The following ATP7A variants were observed in gnomAD, a reference collection of about 807,000 sequenced individuals.
The protein encoded by ATP7A is ATPase copper transporting alpha.
Under a neutral mutation model 83.5 loss-of-function variants are expected in ATP7A, and 7 were observed. The ratio of observed to expected loss-of-function variants is 0.08; its 90% CI spans 0.05 to 0.16. The LOEUF (loss-of-function observed/expected upper bound fraction) is 0.16. ATP7A is among the 10% of genes least tolerant of loss of function. ATP7A has a pLI of 1.00. For synonymous variants in ATP7A, 354 were observed against 395.2 expected (o/e 0.90, Z 1.24); for missense variants, 940 against 1,120.8 (o/e 0.84, Z 2.30).
intron 1 of ATP7A, among the ~76,000 whole-genome samples, chrX:77,943,595 A>G (rs193129289): frequency 8.9e-6 from 1 of 112,478 alleles, no homozygotes; most frequent in African/African-American, 3.2e-5. Context: ...AATAAAAATA[A>G]GAAATTAAAA....
At chrX:77,971,137 A>G (rs2077544232) in intron 1 of ATP7A, among the ~76,000 whole-genome samples, 1 of 112,046 alleles carries the variant, frequency 8.9e-6, no homozygotes, top group Non-Finnish European at 1.9e-5. Flanking sequence ...AACAGCCAGG[A>G]GGCCAGTATG....
At chrX:77,948,112 C>T (rs1316959858) in intron 1 of ATP7A, among the ~76,000 whole-genome samples, 1 of 106,940 alleles carries the variant, frequency 9.4e-6, no homozygotes. Context: ...TTCATTCATT[C>T]ATTCATTCAT....
intron 17 of ATP7A, among the ~76,000 whole-genome samples, chrX:78,036,735 G>A (rs1289339680): frequency 1.8e-5 from 2 of 110,982 alleles, no homozygotes; most frequent in Admixed American, 9.6e-5. Flanking sequence ...ACAGAAATTA[G>A]TCGGGCGTGG....
At chrX:78,007,401 C>T (rs1259805246) in intron 6 of ATP7A, among the ~76,000 whole-genome samples, 6 of 111,391 alleles carry the variant, frequency 5.4e-5, no homozygotes, top group Admixed American at 1.9e-4. Context: ...TCTTGGCTCA[C>T]TGCAAGCCCC....
chrX:77,926,138 T>C (rs1423449077), intron 1 of ATP7A, among the ~76,000 whole-genome samples: 2 of 111,137 alleles, frequency 1.8e-5, no homozygotes, highest in Non-Finnish European at 3.8e-5. Context: ...TTGAGTATCA[T>C]TAAAGAATGA....
At chrX:77,918,909 C>G (rs2077197479) in intron 1 of ATP7A, among the ~76,000 whole-genome samples, 2 of 111,453 alleles carry the variant, frequency 1.8e-5, no homozygotes, top group South Asian at 7.4e-4. Flanking sequence ...TATCATTTGA[C>G]TCTCTTTGCC....
At chrX:77,969,861 C>A (rs1420341479) in intron 1 of ATP7A, among the ~76,000 whole-genome samples, 1 of 111,782 alleles carries the variant, frequency 8.9e-6, no homozygotes, top group Non-Finnish European at 1.9e-5. Context: ...AAAACAGAGT[C>A]CTATCTTCAT....
rs2078106097 is a variant in ATP7A at position 78,050,369 on chromosome X, A to G, written c.*3799A>G. The G allele has an allele frequency of 8.9e-6, 1 of 112,298 alleles. No homozygotes were observed. The highest frequency in any genetic ancestry group is 3.2e-5 in the African/African-American group (1 of 30,988). The allele number at this position is 112,298 out of a possible 1,213,427, so 9.3% of individuals were successfully genotyped here. A position where few individuals can be genotyped will look rare whatever the true frequency, so the allele number is the denominator to read the frequency against. ...TATTTCTGCCAAGGATGTGCCTTCA[A>G]CTTTATAATTATAGTGTTGTAAAAT... On this transcript the variant is annotated 3_prime_UTR_variant, in exon 23 of 23. Transcript: ENST00000341514.
rs1557231810 is a variant in ATP7A at position 77,989,533 on chromosome X, A to G, written c.911A>G (p.Tyr304Cys). ...GAAAGTACTTTATCTGCACTCCAAT[A>G]TGTAAGCAGCATAGTAGTTTCTTTA... is the stretch of plus-strand genomic sequence containing the variant. ...NIESTLSALQYVSSIVVSLEN... is the reference protein window; with the variant it reads ...NIESTLSALQCVSSIVVSLEN... The change falls in exon 4 of 23, where the codon TAT becomes TGT. Residue 304 changes from tyrosine to cysteine, a missense_variant. Transcript: ENST00000341514. 1 of 1,211,508 alleles carries G rather than the reference A, an allele frequency of 8.3e-7. No individual in the cohort carries two copies. The highest frequency in any genetic ancestry group is 1.1e-6 in the Non-Finnish European group (1 of 895,138).
chrX:77,931,213 T>C (rs782083705), intron 1 of ATP7A, among the ~76,000 whole-genome samples: 29 of 107,918 alleles, frequency 2.7e-4, no homozygotes, highest in Admixed American at 6.9e-4. Context: ...GTGGTGATGA[T>C]TGTTAACGAG....
chrX:78,014,812 T>C, intron 11 of ATP7A, 59 bp downstream of exon 11: 1 of 870,151 alleles, frequency 1.1e-6, no homozygotes, highest in South Asian at 2.1e-5. Flanking sequence ...AAATTTCAAA[T>C]ATATACAGAA....
chrX:77,961,405 G>T (rs2077473854), intron 1 of ATP7A, among the ~76,000 whole-genome samples: 1 of 111,540 alleles, frequency 9.0e-6, no homozygotes, highest in South Asian at 3.7e-4. Flanking sequence ...ACCTACCAAA[G>T]GTATTGTATT....
At chrX:77,948,129 A>G (rs868942468) in intron 1 of ATP7A, among the ~76,000 whole-genome samples, 5 of 105,456 alleles carry the variant, frequency 4.7e-5, no homozygotes, top group East Asian at 2.9e-4. Context: ...TCATTCGTTC[A>G]TTCATTCATT....
At chrX:78,009,982 C>T (rs782722147) in intron 7 of ATP7A, among the ~76,000 whole-genome samples, 17 of 112,634 alleles carry the variant, frequency 1.5e-4, no homozygotes, top group Non-Finnish European at 3.2e-4. Context: ...CTGTGTTCTT[C>T]AATAAGTCTT....
At chrX:78,011,033 A>T (rs782675036) in intron 7 of ATP7A, 143 bp from the exon 8 acceptor site, 1 of 497,843 alleles carries the variant, frequency 2.0e-6, no homozygotes, top group Admixed American at 3.5e-5. Flanking sequence ...AAGAGCAGGA[A>T]GCACATCTTC....
At chrX:77,979,709 T>C (rs1403324057) in intron 2 of ATP7A, among the ~76,000 whole-genome samples, 2 of 112,465 alleles carry the variant, frequency 1.8e-5, no homozygotes, top group African/African-American at 6.5e-5. Flanking sequence ...AAAGTTGTTT[T>C]ATTGGAAAAT....
At position 78,011,681 on chromosome X, in the gene ATP7A, G is replaced by T. The variant is rs782433802; in HGVS notation, c.2172+7G>T. 10 of 1,197,849 alleles carry T rather than the reference G, an allele frequency of 8.3e-6. No homozygotes were observed. The African/African-American group carries it at 1.2e-4, about 15-fold the overall frequency. On this transcript the variant is annotated splice_region_variant and intron_variant, in intron 9 of 22. Transcript: ENST00000341514. ...ATTGTGTGTACCTGTACAGGCAAGTGAATTGTTAGCAAATATATTTGTTAA... is the reference window on the plus strand; with the variant it reads ...ATTGTGTGTACCTGTACAGGCAAGTTAATTGTTAGCAAATATATTTGTTAA...
chrX:77,991,850 C>T (rs1008857066), intron 4 of ATP7A, among the ~76,000 whole-genome samples: 34 of 108,959 alleles, frequency 3.1e-4, no homozygotes, highest in Non-Finnish European at 5.7e-4. Flanking sequence ...GATGAAACCC[C>T]GTCCCTACAA....
Position 78,047,234 on chromosome X carries a change from A to C in ATP7A, c.*664A>C, listed in dbSNP as rs1182710849. On this transcript the variant is annotated 3_prime_UTR_variant, in exon 23 of 23. Coordinates refer to ENST00000341514, the MANE Select transcript of ATP7A (RefSeq NM_000052.7). ...TTTAGGTGGTTTTTCATTGATTAAA[A>C]ATAACTGACAACTGTTCTAATATTT... 8.9e-6 allele frequency: 1 copy of C among 112,411 alleles called. No homozygotes were observed. The highest frequency in any genetic ancestry group is 2.8e-4 in the East Asian group (1 of 3,596). The allele number at this position is 112,411 out of a possible 1,213,427, so 9.3% of individuals were successfully genotyped here. A position where few individuals can be genotyped will look rare whatever the true frequency, so the allele number is the denominator to read the frequency against.
Sources: gnomAD v4.1 joint callset for allele counts (sites outside exome capture counted in the v4.1 genomes callset) on GRCh38, gnomAD v4.1.1 for gene constraint, MANE v1.5 for transcripts, NCBI Gene and HGNC (gene_info 2026-07-23, HGNC 2026-07-21) for gene names.